Variants in PCDHA11 observed in about 807,000 individuals in gnomAD.
PCDHA11 encodes the protein protocadherin alpha 11, also known as protocadherin alpha-11.
A neutral mutation model predicts 70.3 loss-of-function variants in PCDHA11; 61 were observed. The observed-to-expected ratio is 0.87, with a 90% confidence interval of 0.71 to 1.07. The LOEUF (loss-of-function observed/expected upper bound fraction) is 1.07. PCDHA11 is among the 50% of genes least tolerant of loss of function. The pLI is 0.00. For missense variants in PCDHA11, 1,324 were observed against 1,237.5 expected, an observed-to-expected ratio of 1.07 and a Z score of -1.05; for synonymous variants, 633 against 555.1, an observed-to-expected ratio of 1.14 and a Z score of -1.97.
At chr5:140,909,378 C>T (rs544117185) in intron 1 of PCDHA11, among the ~76,000 whole-genome samples, 1 of 152,264 alleles carries the variant, frequency 6.6e-6, no homozygotes, top group Admixed American at 6.5e-5. Context: ...GCAATGAAAC[C>T]ACATCTAGTA....
chr5:140,971,787 A>G (rs1554233619), intron 1 of PCDHA11, among the ~76,000 whole-genome samples: 5 of 152,124 alleles, frequency 3.3e-5, no homozygotes, highest in Admixed American at 1.3e-4. Context: ...AGATTATTCA[A>G]TATATTGAAT....
chr5:140,928,082 T>G, intron 1 of PCDHA11: 1 of 1,614,212 alleles, frequency 6.2e-7, no homozygotes, highest in Non-Finnish European at 8.5e-7. Context: ...TACTACAGCC[T>G]GCTGATTGAT....
intron 2 of PCDHA11, among the ~76,000 whole-genome samples, chr5:140,979,611 C>T (rs549836811): frequency 5.9e-5 from 9 of 152,266 alleles, no homozygotes; most frequent in South Asian, 2.1e-4. Flanking sequence ...CCTAGAGTAA[C>T]GGTATTAGTC....
At chr5:140,886,951 C>T (rs1277166050) in intron 1 of PCDHA11, among the ~76,000 whole-genome samples, 1 of 151,696 alleles carries the variant, frequency 6.6e-6, no homozygotes, top group Non-Finnish European at 1.5e-5. Flanking sequence ...ACACATTAGA[C>T]ATTTAGCAAC....
At position 141,011,529 on chromosome 5, in the gene PCDHA11, G is replaced by A. The variant is rs2098420955; in HGVS notation, c.*1592G>A. On this transcript the variant is annotated 3_prime_UTR_variant, in exon 4 of 4. Coordinates refer to ENST00000398640, the MANE Select transcript of PCDHA11 (RefSeq NM_018902.5). ...GTGGAGTAGTGTTTTTTTAACCATT[G>A]TTAATCAGCTTTTGTGTATGAAAGA... 1.3e-5 allele frequency: 2 copies of A among 153,538 alleles called. No homozygotes were observed. The highest frequency in any genetic ancestry group is 3.9e-4 in the East Asian group (2 of 5,188). The allele number at this position is 153,538 out of a possible 1,614,324, so 9.5% of individuals were successfully genotyped here.
chr5:140,883,954 T>A (rs2059908896), intron 1 of PCDHA11: 1 of 1,612,680 alleles, frequency 6.2e-7, no homozygotes, highest in Non-Finnish European at 8.5e-7. Flanking sequence ...ACGACAACGC[T>A]CCGGCGCTGC....
rs782065808 is a variant in PCDHA11, at chr5:140,869,800, T to C, written c.697T>C (p.Leu233=). The part of the protein sequence containing the change: ...TGTVRLLVQV[L]DVNDNDPEFD... ...CACCGTTCGGCTGTTAGTCCAAGTC[T>C]TGGATGTCAACGACAATGATCCAGA... Residue 233 remains leucine, a synonymous_variant, in exon 1 of 4, where the codon TTG becomes CTG. Transcript: ENST00000398640. 2 of 1,612,808 alleles carry C rather than the reference T, an allele frequency of 1.2e-6. No individual in the cohort carries two copies. Among genetic ancestry groups the C allele is most frequent in the Non-Finnish European group, 1.7e-6 (2 of 1,179,462 alleles).
intron 1 of PCDHA11, chr5:140,926,329 A>G (rs1435633972): frequency 6.6e-6 from 1 of 152,150 alleles, no homozygotes; most frequent in Non-Finnish European, 1.5e-5. Flanking sequence ...CCGGGGTCAG[A>G]GCGCCGGGAC....
Position 140,871,175 on chromosome 5 carries a change from C to T in PCDHA11, c.2072C>T (p.Ala691Val), listed in dbSNP as rs782460096. ...GCGGGCGCCGCGAGCCCAGAGGCTG[C>T]GCTGGTGGATGTCAACGTGTACCTG... is the stretch of plus-strand genomic sequence containing the variant. ...TLAGAASPEA[A>V]LVDVNVYLII... The change falls in exon 1 of 4, where the codon GCG becomes GTG. Residue 691 changes from alanine (A) to valine (V), a missense_variant. Transcript: ENST00000398640. 8 of 1,613,402 alleles carry T rather than the reference C, an allele frequency of 5.0e-6. No individual in the cohort carries two copies. In the African/African-American group the frequency reaches 5.3e-5, roughly 11 times the overall value.
intron 1 of PCDHA11, chr5:140,883,300 T>C (rs782541976): frequency 6.2e-7 from 1 of 1,613,974 alleles, no homozygotes; most frequent in African/African-American, 1.3e-5. Flanking sequence ...TAGATGTAAA[T>C]GATAACGCCC....
intron 1 of PCDHA11, among the ~76,000 whole-genome samples, chr5:140,914,158 C>T (rs1041086072): frequency 1.2e-4 from 18 of 152,276 alleles, no homozygotes; most frequent in East Asian, 9.6e-4. Flanking sequence ...CTGTCCAATA[C>T]GGAAAGTGGG....
At chr5:140,944,406 C>A (rs1003379783) in intron 1 of PCDHA11, among the ~76,000 whole-genome samples, 1 of 152,084 alleles carries the variant, frequency 6.6e-6, no homozygotes, top group Non-Finnish European at 1.5e-5. Context: ...AGGCTGGTCT[C>A]GAACTCCTGA....
intron 1 of PCDHA11, among the ~76,000 whole-genome samples, chr5:140,955,464 T>C (rs563782102): frequency 2.0e-5 from 3 of 152,218 alleles, no homozygotes; most frequent in South Asian, 2.1e-4. Context: ...TTTTTCCTTT[T>C]TGCTTGGCAC....
chr5:140,900,063 G>A (rs1554188862), intron 1 of PCDHA11, among the ~76,000 whole-genome samples: 3 of 152,122 alleles, frequency 2.0e-5, no homozygotes, highest in African/African-American at 7.2e-5. Context: ...TTTAACCTCA[G>A]CCTCCAAAAG....
At chr5:140,883,240 C>G in intron 1 of PCDHA11, 1 of 1,613,998 alleles carries the variant, frequency 6.2e-7, no homozygotes, top group Non-Finnish European at 8.5e-7. Context: ...AGGCAGTTGA[C>G]AAAGGAAATA....
intron 1 of PCDHA11, among the ~76,000 whole-genome samples, chr5:140,893,162 G>A (rs2063851714): frequency 6.6e-6 from 1 of 152,202 alleles, no homozygotes; most frequent in Non-Finnish European, 1.5e-5. Flanking sequence ...GGATATTGAG[G>A]TTGATTCCAC....
Position 140,870,614 on chromosome 5 carries a change from C to G in PCDHA11, c.1511C>G (p.Ser504Trp). ...VERRLGDRALSSYVSVHAESG... is the reference protein window; with the variant it reads ...VERRLGDRALWSYVSVHAESG... ...CGGCGGTTGGGCGACCGCGCGCTGT[C>G]GAGCTACGTGTCGGTGCACGCGGAG... The change falls in exon 1 of 4, where the codon TCG (serine) becomes TGG (tryptophan). Residue 504 changes from serine (S) to tryptophan (W), a missense_variant. Ser to Trp is a radical substitution (Grantham distance 177). Coordinates refer to ENST00000398640, the MANE Select transcript of PCDHA11 (RefSeq NM_018902.5). 1.2e-6 allele frequency: 2 copies of G among 1,613,212 alleles called. No individual in the cohort carries two copies. The highest frequency in any genetic ancestry group is 2.2e-5 in the South Asian group (2 of 91,062).
intron 1 of PCDHA11, among the ~76,000 whole-genome samples, chr5:140,886,682 G>A (rs181377286): frequency 6.6e-6 from 1 of 151,618 alleles, no homozygotes. Context: ...AAAAATTAGC[G>A]AGGCATGGTG....
chr5:140,972,478 AC>A (rs2096537655), intron 1 of PCDHA11, among the ~76,000 whole-genome samples: 2 of 151,866 alleles, frequency 1.3e-5, no homozygotes, highest in Admixed American at 1.3e-4. Flanking sequence ...TCAGCATTTA[AC>A]CCCAGACTCT....
Sources: allele counts gnomAD v4.1 joint callset (sites outside exome capture counted in the v4.1 genomes callset), GRCh38; gene constraint gnomAD v4.1.1; transcripts MANE v1.5; gene names NCBI Gene and HGNC (gene_info 2026-07-23, HGNC 2026-07-21).